Variants in SUPT3H observed in about 807,000 individuals in gnomAD.
SUPT3H encodes the protein transcription initiation protein SPT3 homolog.
In SUPT3H, 44 loss-of-function variants were observed where a neutral mutation model predicts 44.3. That is an observed-to-expected ratio of 0.99 (90% CI 0.78 to 1.28). The LOEUF (loss-of-function observed/expected upper bound fraction) is 1.28. SUPT3H is among the 50% of genes most tolerant of loss of function. SUPT3H has a pLI of 0.00. For missense variants in SUPT3H, 380 were observed against 387.1 expected, an observed-to-expected ratio of 0.98 and a Z score of 0.15; for synonymous variants, 124 against 125.6, an observed-to-expected ratio of 0.99 and a Z score of 0.09.
chr6:45,316,717 A>G (rs564592622), intron 2 of SUPT3H, among the ~76,000 whole-genome samples: 15 of 152,336 alleles, frequency 9.8e-5, no homozygotes, highest in African/African-American at 3.6e-4. Flanking sequence ...CCAAAGAAGT[A>G]CAGCCTGTAC....
chr6:45,334,567 G>GT (rs1435365958), intron 2 of SUPT3H, among the ~76,000 whole-genome samples: 33 of 150,178 alleles, frequency 2.2e-4, no homozygotes, highest in Non-Finnish European at 7.4e-5. Context: ...GAATAATAAC[G>GT]TGATATTCCA....
chr6:45,223,526 T>C (rs1013186608), intron 2 of SUPT3H, among the ~76,000 whole-genome samples: 6 of 151,976 alleles, frequency 3.9e-5, no homozygotes, highest in Non-Finnish European at 5.9e-5. Context: ...ACATCAATTA[T>C]AGAACTTTTT....
intron 2 of SUPT3H, among the ~76,000 whole-genome samples, chr6:45,120,417 T>TAAAAAAAAAAAAAAAAA (rs71687494): frequency 1.8e-4 from 9 of 50,508 alleles, no homozygotes; most frequent in East Asian, 4.7e-4. Context: ...AGACCTTGTC[T>TAAAAAAAAAAAAAAAAA]AAAAAAAAAA....
chr6:44,986,069 T>C (rs1779749711), intron 6 of SUPT3H, among the ~76,000 whole-genome samples: 1 of 152,208 alleles, frequency 6.6e-6, no homozygotes, highest in Admixed American at 6.5e-5. Flanking sequence ...TGTTCAGAAA[T>C]TGACATGGCC....
chr6:45,228,102 C>T (rs1767261861), intron 2 of SUPT3H, among the ~76,000 whole-genome samples: 1 of 152,148 alleles, frequency 6.6e-6, no homozygotes, highest in Non-Finnish European at 1.5e-5. Flanking sequence ...CTATCTGCTC[C>T]TCAAGTGCAA....
intron 2 of SUPT3H, among the ~76,000 whole-genome samples, chr6:45,276,666 T>G (rs1029756437): frequency 6.6e-6 from 1 of 152,216 alleles, no homozygotes; most frequent in African/African-American, 2.4e-5. Flanking sequence ...ATGTATTGCA[T>G]TTTTTGGTCT....
intron 2 of SUPT3H, among the ~76,000 whole-genome samples, chr6:45,213,719 C>T (rs1198793500): frequency 2.0e-5 from 3 of 151,896 alleles, no homozygotes; most frequent in South Asian, 2.1e-4. Flanking sequence ...ATTAAATGTT[C>T]GTTATTTATT....
chr6:45,114,949 A>T (rs1481265583), intron 2 of SUPT3H, among the ~76,000 whole-genome samples: 1 of 152,134 alleles, frequency 6.6e-6, no homozygotes, highest in Admixed American at 6.5e-5. Flanking sequence ...CTCATCCAGA[A>T]CTCATTGTAC....
At chr6:44,968,603 C>T (rs146337999) in intron 6 of SUPT3H, among the ~76,000 whole-genome samples, 6 of 152,254 alleles carry the variant, frequency 3.9e-5, no homozygotes, top group Admixed American at 2.0e-4. Flanking sequence ...TTTTATTCCA[C>T]TGCAAAAGTC....
chr6:45,037,694 A>T (rs959747200), intron 3 of SUPT3H, among the ~76,000 whole-genome samples: 4 of 151,380 alleles, frequency 2.6e-5, no homozygotes, highest in South Asian at 2.1e-4. Context: ...ATTAAATAAA[A>T]AAATGAAAGA....
intron 8 of SUPT3H, among the ~76,000 whole-genome samples, chr6:44,953,817 G>A (rs1277863376): frequency 1.3e-5 from 2 of 151,966 alleles, no homozygotes; most frequent in East Asian, 1.9e-4. Flanking sequence ...CTGCAACCTC[G>A]GCCTCCTAGG....
intron 10 of SUPT3H, among the ~76,000 whole-genome samples, chr6:44,886,844 C>G (rs533393569): frequency 6.6e-6 from 1 of 152,072 alleles, no homozygotes; most frequent in South Asian, 2.1e-4. Context: ...AGAGTCAAGA[C>G]CCATCAGTGT....
chr6:45,124,500 C>T (rs1342729432), intron 2 of SUPT3H, among the ~76,000 whole-genome samples: 1 of 151,704 alleles, frequency 6.6e-6, no homozygotes, highest in African/African-American at 2.4e-5. Context: ...CAAAAATTAG[C>T]TGGGCATGGT....
intron 3 of SUPT3H, among the ~76,000 whole-genome samples, chr6:45,051,310 C>G (rs1428319596): frequency 6.6e-6 from 1 of 152,032 alleles, no homozygotes; most frequent in Admixed American, 6.6e-5. Context: ...GAAGTAGAAA[C>G]ATATGAAAGG....
intron 2 of SUPT3H, among the ~76,000 whole-genome samples, chr6:45,319,563 T>A (rs1484668411): frequency 1.3e-5 from 2 of 152,164 alleles, no homozygotes; most frequent in African/African-American, 4.8e-5. Context: ...GCTCAATTTT[T>A]ATTTACCAAT....
At chr6:45,312,178 A>AT (rs1784057980) in intron 2 of SUPT3H, among the ~76,000 whole-genome samples, 1 of 152,150 alleles carries the variant, frequency 6.6e-6, no homozygotes, top group East Asian at 1.9e-4. Context: ...AGCAATTCTT[A>AT]TATCAGACAA....
intron 2 of SUPT3H, among the ~76,000 whole-genome samples, chr6:45,338,514 G>C (rs1789090899): frequency 2.0e-5 from 3 of 152,066 alleles, no homozygotes; most frequent in Admixed American, 6.6e-5. Context: ...CAAGAGCACT[G>C]ATTTCAGGTA....
In SUPT3H at chr6:44,937,148, C is replaced by T. The variant is rs186746234; in HGVS notation, c.802-4385G>A. Among the ~76,000 whole-genome samples, 7 of 152,126 alleles carry T rather than the reference C, an allele frequency of 4.6e-5. No individual in the cohort carries two copies. The East Asian group carries it at 1.4e-3, about 29-fold the overall frequency. On this transcript the variant is annotated intron_variant, in intron 9 of 10. Transcript: ENST00000371459. ...TGATTTCTTTTCCTTTGACTAGATA[C>T]CCAGTAATGAGATTGCTGGATTGAA...
At chr6:45,313,952 G>A (rs1784345044) in intron 2 of SUPT3H, among the ~76,000 whole-genome samples, 1 of 152,174 alleles carries the variant, frequency 6.6e-6, no homozygotes, top group Non-Finnish European at 1.5e-5. Context: ...CCATGATCAA[G>A]TGGGTTTCAT....
Sources: allele counts gnomAD v4.1 joint callset (sites outside exome capture counted in the v4.1 genomes callset), GRCh38; gene constraint gnomAD v4.1.1; transcripts MANE v1.5; gene names NCBI Gene and HGNC (gene_info 2026-07-23, HGNC 2026-07-21).